Variants in PTPRD observed in about 807,000 individuals in gnomAD.
PTPRD encodes the protein protein tyrosine phosphatase receptor type D, also known as receptor-type tyrosine-protein phosphatase delta.
Under a neutral mutation model 214.5 loss-of-function variants are expected in PTPRD, and 34 were observed. That is an observed-to-expected ratio of 0.16 (90% CI 0.12 to 0.21). The LOEUF (loss-of-function observed/expected upper bound fraction) is 0.21, where lower values mean the gene tolerates loss of function less well. Ranked by LOEUF, PTPRD falls within the 10% of genes least tolerant of loss-of-function variation. The probability of loss-of-function intolerance (pLI) is 1.00; values close to 1 mark genes in which losing one functional copy is unlikely to be tolerated. For synonymous variants in PTPRD, 1,128 were observed against 845.7 expected, an observed-to-expected ratio of 1.33 and a Z score of -5.79; for missense variants, 2,545 against 2,398.7, an observed-to-expected ratio of 1.06 and a Z score of -1.27.
chr9:9,102,907 G>C (rs537731479), intron 10 of PTPRD, among the ~76,000 whole-genome samples: 1 of 152,276 alleles, frequency 6.6e-6, no homozygotes, highest in African/African-American at 2.4e-5. Context: ...GCTATAATTT[G>C]AGCAGAGTGA....
intron 11 of PTPRD, among the ~76,000 whole-genome samples, chr9:8,980,088 T>G (rs1407511215): frequency 1.3e-5 from 2 of 152,102 alleles, no homozygotes; most frequent in African/African-American, 4.8e-5. Flanking sequence ...ATAACTTGGA[T>G]GGACCTAAAG....
chr9:10,241,840 T>C (rs1012729110), intron 3 of PTPRD, among the ~76,000 whole-genome samples: 3 of 151,950 alleles, frequency 2.0e-5, no homozygotes, highest in Non-Finnish European at 4.4e-5. Context: ...ATTTATTGTG[T>C]TGTCAATGAT....
At chr9:8,451,397 G>A (rs2095944016) in intron 33 of PTPRD, among the ~76,000 whole-genome samples, 1 of 152,118 alleles carries the variant, frequency 6.6e-6, no homozygotes, top group Admixed American at 6.5e-5. Context: ...CCAAGGTACT[G>A]GCAGCTCCAG....
chr9:9,098,953 C>A (rs138883349), intron 10 of PTPRD, among the ~76,000 whole-genome samples: 417 of 152,146 alleles, frequency 2.7e-3, no homozygotes, highest in African/African-American at 9.4e-3. Context: ...GTGGTATAGT[C>A]ACATTACTGA....
At chr9:9,072,094 A>T (rs531811344) in intron 10 of PTPRD, among the ~76,000 whole-genome samples, 3 of 152,286 alleles carry the variant, frequency 2.0e-5, no homozygotes, top group African/African-American at 7.2e-5. Flanking sequence ...GATAATTTTA[A>T]AAAATGTTTT....
intron 11 of PTPRD, among the ~76,000 whole-genome samples, chr9:8,827,342 C>G (rs767347356): frequency 2.6e-5 from 4 of 152,144 alleles, no homozygotes; most frequent in Non-Finnish European, 4.4e-5. Flanking sequence ...TGAGGTGGCT[C>G]ATGCCTGTAA....
intron 44 of PTPRD, among the ~76,000 whole-genome samples, chr9:8,320,712 C>A (rs1241700278): frequency 1.4e-5 from 2 of 146,520 alleles, no homozygotes; most frequent in Non-Finnish European, 3.0e-5. Flanking sequence ...TTTACATGAT[C>A]AGCAACTAAA....
chr9:10,442,066 A>G (rs1027375333), intron 2 of PTPRD, among the ~76,000 whole-genome samples: 4 of 151,772 alleles, frequency 2.6e-5, no homozygotes, highest in Admixed American at 1.3e-4. Flanking sequence ...CACTAACTAT[A>G]GCTGATTCTC....
chr9:8,404,215 G>A (rs1318362342), intron 36 of PTPRD, among the ~76,000 whole-genome samples: 4 of 152,066 alleles, frequency 2.6e-5, no homozygotes, highest in African/African-American at 7.2e-5. Flanking sequence ...TGCAACTCCC[G>A]CCTCCTGGGT....
intron 3 of PTPRD, among the ~76,000 whole-genome samples, chr9:10,059,871 C>A (rs2097725655): frequency 6.6e-6 from 1 of 151,502 alleles, no homozygotes; most frequent in African/African-American, 2.4e-5. Flanking sequence ...AAATATGCTT[C>A]ATTAGCACAT....
At chr9:10,426,240 G>A (rs550579121) in intron 2 of PTPRD, among the ~76,000 whole-genome samples, 1 of 152,008 alleles carries the variant, frequency 6.6e-6, no homozygotes, top group South Asian at 2.1e-4. Context: ...CTTTGTTAAT[G>A]GGTGCCAAAT....
At chr9:8,889,540 TG>T (rs2098519916) in intron 11 of PTPRD, among the ~76,000 whole-genome samples, 1 of 152,180 alleles carries the variant, frequency 6.6e-6, no homozygotes, top group African/African-American at 2.4e-5. Flanking sequence ...GTGATGATTT[TG>T]GAGACTTTGG....
At chr9:9,146,159 C>A (rs1200249938) in intron 10 of PTPRD, among the ~76,000 whole-genome samples, 1 of 152,122 alleles carries the variant, frequency 6.6e-6, no homozygotes, top group African/African-American at 2.4e-5. Context: ...CAGAAGTGAT[C>A]CAGAATATCA....
intron 2 of PTPRD, among the ~76,000 whole-genome samples, chr9:10,567,042 T>C (rs1171304133): frequency 6.6e-6 from 1 of 152,096 alleles, no homozygotes; most frequent in African/African-American, 2.4e-5. Flanking sequence ...CTATGGTACG[T>C]GACTCTCCAC....
At chr9:8,464,254 A>G (rs1034560310) in intron 32 of PTPRD, among the ~76,000 whole-genome samples, 26 of 152,018 alleles carry the variant, frequency 1.7e-4, no homozygotes, top group African/African-American at 6.0e-4. Context: ...CTATTAAAAG[A>G]AATTTCCTCT....
At chr9:9,348,142 C>T (rs1007401786) in intron 9 of PTPRD, among the ~76,000 whole-genome samples, 1 of 152,076 alleles carries the variant, frequency 6.6e-6, no homozygotes, top group East Asian at 1.9e-4. Flanking sequence ...AGAAAAATAG[C>T]ATATTTGAAT....
intron 8 of PTPRD, among the ~76,000 whole-genome samples, chr9:9,512,072 C>A (rs539149082): frequency 1.3e-5 from 2 of 151,740 alleles, no homozygotes; most frequent in African/African-American, 4.8e-5. Context: ...TTCTATGGAG[C>A]CAGAGATATG....
At chr9:8,529,659 C>T (rs1430785507) in intron 14 of PTPRD, among the ~76,000 whole-genome samples, 1 of 152,166 alleles carries the variant, frequency 6.6e-6, no homozygotes, top group Non-Finnish European at 1.5e-5. Context: ...AATCATGCTC[C>T]ACACTGATAA....
intron 11 of PTPRD, among the ~76,000 whole-genome samples, chr9:8,967,489 C>A (rs111526908): frequency 5.7e-4 from 86 of 152,010 alleles, no homozygotes; most frequent in African/African-American, 2.0e-3. Context: ...TACTACATAG[C>A]CATAAAAAAA....
Sources: allele counts gnomAD v4.1 joint callset (sites outside exome capture counted in the v4.1 genomes callset), GRCh38; gene constraint gnomAD v4.1.1; transcripts MANE v1.5; gene names NCBI Gene and HGNC (gene_info 2026-07-23, HGNC 2026-07-21).